The following ATRNL1 variants were observed in gnomAD, a reference collection of about 807,000 sequenced individuals.
The protein encoded by ATRNL1 is attractin like 1.
ATRNL1 carries 95 observed loss-of-function variants against 182.7 expected under a neutral mutation model. That is an observed-to-expected ratio of 0.52 (90% CI 0.44 to 0.62). The LOEUF is 0.62. ATRNL1 is among the 20% of genes least tolerant of loss of function. ATRNL1 has a pLI of 0.00. For synonymous variants in ATRNL1, 576 were observed against 568.3 expected (o/e 1.01, Z -0.19); for missense variants, 1,471 against 1,679.5 (o/e 0.88, Z 2.17).
chr10:115,593,801 G>T (rs1856060688), intron 26 of ATRNL1, among the ~76,000 whole-genome samples: 1 of 151,904 alleles, frequency 6.6e-6, no homozygotes, highest in Admixed American at 6.5e-5. Flanking sequence ...TTGTCAAATG[G>T]GTAGTTTTGT....
At chr10:115,758,102 G>C (rs1388560925) in intron 27 of ATRNL1, among the ~76,000 whole-genome samples, 1 of 151,816 alleles carries the variant, frequency 6.6e-6, no homozygotes, top group Non-Finnish European at 1.5e-5. Context: ...CATTGGGTTA[G>C]AACATGCTTC....
chr10:115,765,411 G>A (rs1555074771), intron 27 of ATRNL1, among the ~76,000 whole-genome samples: 1 of 152,158 alleles, frequency 6.6e-6, no homozygotes, highest in East Asian at 1.9e-4. Context: ...GCATTTCTCT[G>A]ATCTACAGAA....
chr10:115,374,918 G>A (rs1310485932), intron 19 of ATRNL1, among the ~76,000 whole-genome samples: 1 of 151,770 alleles, frequency 6.6e-6, no homozygotes, highest in African/African-American at 2.4e-5. Context: ...AAAGTTCCTT[G>A]TGTGTTTGAG....
At chr10:115,184,471 A>T (rs1251356146) in intron 8 of ATRNL1, among the ~76,000 whole-genome samples, 1 of 151,696 alleles carries the variant, frequency 6.6e-6, no homozygotes, top group African/African-American at 2.4e-5. Flanking sequence ...GTAGTAATAT[A>T]TATACATGTA....
intron 26 of ATRNL1, among the ~76,000 whole-genome samples, chr10:115,682,332 G>A (rs2016489): frequency 0.61 from 92,391 of 151,918 alleles, 28,820 homozygotes; most frequent in East Asian, 0.96. Context: ...TGAGGTCAGG[G>A]GTTCGAAACC....
At chr10:115,296,712 G>A (rs1853212929) in intron 15 of ATRNL1, among the ~76,000 whole-genome samples, 1 of 151,938 alleles carries the variant, frequency 6.6e-6, no homozygotes, top group African/African-American at 2.4e-5. Flanking sequence ...GATTAATAGG[G>A]TAAAGAAAAA....
intron 24 of ATRNL1, among the ~76,000 whole-genome samples, chr10:115,517,894 G>T (rs1202916550): frequency 6.6e-6 from 1 of 151,752 alleles, no homozygotes; most frequent in Non-Finnish European, 1.5e-5. Context: ...AACTTTAAAA[G>T]ATGTTTTTTC....
intron 25 of ATRNL1, among the ~76,000 whole-genome samples, chr10:115,537,017 A>C (rs139302213): frequency 6.6e-6 from 1 of 152,348 alleles, no homozygotes; most frequent in East Asian, 1.9e-4. Context: ...TGGAAATGAC[A>C]CCTGAAGATA....
intron 24 of ATRNL1, among the ~76,000 whole-genome samples, chr10:115,506,219 G>A (rs1850104711): frequency 6.6e-6 from 1 of 152,006 alleles, no homozygotes. Context: ...CAGAGGCCTT[G>A]TTCCCCATAA....
At chr10:115,661,882 T>C (rs1219467100) in intron 26 of ATRNL1, among the ~76,000 whole-genome samples, 3 of 151,978 alleles carry the variant, frequency 2.0e-5, no homozygotes, top group Non-Finnish European at 4.4e-5. Context: ...TACCTCGTTA[T>C]TTAACACGAG....
intron 20 of ATRNL1, among the ~76,000 whole-genome samples, chr10:115,414,807 A>AT (rs1196802465): frequency 6.6e-6 from 1 of 151,632 alleles, no homozygotes; most frequent in Non-Finnish European, 1.5e-5. Flanking sequence ...TGAGTTTTAC[A>AT]TTTTTTTTCT....
chr10:115,500,003 C>G (rs1462866894), intron 24 of ATRNL1, among the ~76,000 whole-genome samples: 1 of 152,016 alleles, frequency 6.6e-6, no homozygotes, highest in Non-Finnish European at 1.5e-5. Context: ...AGGTAGGTCC[C>G]AAGTTATTAG....
intron 19 of ATRNL1, among the ~76,000 whole-genome samples, chr10:115,394,342 G>A (rs1175377570): frequency 6.6e-6 from 1 of 151,910 alleles, no homozygotes; most frequent in Admixed American, 6.6e-5. Context: ...TGGCACTAAC[G>A]CTTTGAAACT....
At chr10:115,525,076 T>A (rs1365825829) in intron 25 of ATRNL1, among the ~76,000 whole-genome samples, 4 of 152,172 alleles carry the variant, frequency 2.6e-5, no homozygotes, top group Non-Finnish European at 5.9e-5. Flanking sequence ...GTCACCTGAT[T>A]AGTTAATCGG....
intron 24 of ATRNL1, among the ~76,000 whole-genome samples, chr10:115,490,303 A>G (rs1342066827): frequency 1.3e-5 from 2 of 152,116 alleles, no homozygotes; most frequent in African/African-American, 2.4e-5. Flanking sequence ...TCTCCTGGAT[A>G]ATATCCTGAA....
chr10:115,185,891 C>T (rs1554888642), intron 8 of ATRNL1, among the ~76,000 whole-genome samples: 2 of 151,942 alleles, frequency 1.3e-5, no homozygotes, highest in African/African-American at 2.4e-5. Flanking sequence ...AGAGACATTA[C>T]GTGTGGTAGA....
chr10:115,859,815 T>G (rs1951270852), intron 28 of ATRNL1, among the ~76,000 whole-genome samples: 1 of 152,194 alleles, frequency 6.6e-6, no homozygotes, highest in Non-Finnish European at 1.5e-5. Context: ...GAGGAGCAAG[T>G]GCCAGCAGTA....
intron 18 of ATRNL1, among the ~76,000 whole-genome samples, chr10:115,320,993 T>A (rs782173727): frequency 6.6e-5 from 10 of 152,154 alleles, no homozygotes; most frequent in Non-Finnish European, 1.5e-4. Context: ...TGTTGTTGAT[T>A]CTTTCTCATC....
intron 9 of ATRNL1, among the ~76,000 whole-genome samples, chr10:115,239,943 T>C (rs1227990511): frequency 6.6e-6 from 1 of 151,594 alleles, no homozygotes; most frequent in Non-Finnish European, 1.5e-5. Flanking sequence ...TGGCCTGGAG[T>C]GGGAGTTGAG....
Sources: allele counts gnomAD v4.1 joint callset (sites outside exome capture counted in the v4.1 genomes callset), GRCh38; gene constraint gnomAD v4.1.1; transcripts MANE v1.5; gene names NCBI Gene and HGNC (gene_info 2026-07-23, HGNC 2026-07-21).